Variants in PKIB observed in about 807,000 individuals in gnomAD.
PKIB encodes PKI-beta.
PKIB carries 2 observed loss-of-function variants against 4.5 expected under a neutral mutation model. That is an observed-to-expected ratio of 0.44 (90% CI 0.18 to 1.39). The LOEUF (loss-of-function observed/expected upper bound fraction) is 1.39. Among genes scored for constraint, PKIB ranks in the 40% most tolerant of loss-of-function variants. The probability of loss-of-function intolerance (pLI) is 0.27; values close to 1 mark genes in which losing one functional copy is unlikely to be tolerated. For synonymous variants in PKIB, 38 were observed against 36.0 expected, an observed-to-expected ratio of 1.06 and a Z score of -0.20; for missense variants, 94 against 92.6, an observed-to-expected ratio of 1.02 and a Z score of -0.06.
At chr6:122,618,920 C>T (rs904321467) in intron 1 of PKIB, among the ~76,000 whole-genome samples, 15 of 152,072 alleles carry the variant, frequency 9.9e-5, no homozygotes, top group Non-Finnish European at 2.2e-4. Context: ...GTGCAGTTTA[C>T]ATTCAAAATA....
chr6:122,717,465 C>T, intron 3 of PKIB: 1 of 371,990 alleles, frequency 2.7e-6, no homozygotes, highest in Non-Finnish European at 4.8e-6. Flanking sequence ...TCATTTCCTT[C>T]CAAGCCCTAG....
intron 2 of PKIB, among the ~76,000 whole-genome samples, chr6:122,496,247 G>T (rs1377467779): frequency 6.6e-6 from 1 of 152,180 alleles, no homozygotes; most frequent in East Asian, 1.9e-4. Flanking sequence ...AAGGGCTATA[G>T]AAGTAAAGCC....
rs1350575721 is a variant in PKIB, at chr6:122,555,013, AT to A, written c.-247-30905del. On this transcript the variant is annotated intron_variant, in intron 2 of 6. Transcript: ENST00000392491. The stretch of plus-strand genomic sequence containing the variant: ...CAGAAGGTAATACATTCATCAATTT[AT>A]TTCTAGATCACATGTTTATGATGCT... Among the ~76,000 whole-genome samples the A allele has an allele frequency of 2.6e-5, 4 of 152,286 alleles. 1 individual carries two copies. The Middle Eastern group carries it at 0.01, about 388-fold the overall frequency.
chr6:122,696,470 C>T (rs1339525501), intron 3 of PKIB, among the ~76,000 whole-genome samples: 1 of 152,150 alleles, frequency 6.6e-6, no homozygotes, highest in Non-Finnish European at 1.5e-5. Context: ...AGGACTATCC[C>T]TCACTTCCCA....
intron 2 of PKIB, among the ~76,000 whole-genome samples, chr6:122,529,568 A>G (rs140480650): frequency 8.5e-5 from 13 of 152,202 alleles, no homozygotes; most frequent in African/African-American, 3.1e-4. Flanking sequence ...TTTTGTTTCA[A>G]CTTGAAGGGC....
chr6:122,472,048 G>A (rs1775319187), intron 1 of PKIB: 1 of 475,402 alleles, frequency 2.1e-6, no homozygotes, highest in Non-Finnish European at 3.6e-6. Flanking sequence ...AACGGTGTGA[G>A]CAAAACCCAC....
chr6:122,614,142 C>G (rs772735406), intron 1 of PKIB, among the ~76,000 whole-genome samples: 1 of 152,058 alleles, frequency 6.6e-6, no homozygotes, highest in African/African-American at 2.4e-5. Flanking sequence ...TGACATTGCC[C>G]AAGAGTTGGG....
chr6:122,621,807 T>G (rs1775239592), intron 1 of PKIB, among the ~76,000 whole-genome samples: 3 of 152,258 alleles, frequency 2.0e-5, no homozygotes, highest in African/African-American at 7.2e-5. Flanking sequence ...GGAATCTTAT[T>G]TGTACAGTGG....
chr6:122,678,970 G>T (rs1048782136), intron 3 of PKIB, among the ~76,000 whole-genome samples: 2 of 152,206 alleles, frequency 1.3e-5, no homozygotes, highest in African/African-American at 2.4e-5. Context: ...ACTGCAACAC[G>T]TGGCGGGAGG....
At chr6:122,697,251 T>C (rs1778614350) in intron 3 of PKIB, among the ~76,000 whole-genome samples, 1 of 152,026 alleles carries the variant, frequency 6.6e-6, no homozygotes, top group Non-Finnish European at 1.5e-5. Flanking sequence ...TTCATAAGGA[T>C]GGTGGTCTGT....
At chr6:122,651,539 C>T (rs749936904) in intron 2 of PKIB, among the ~76,000 whole-genome samples, 1 of 152,210 alleles carries the variant, frequency 6.6e-6, no homozygotes, top group Non-Finnish European at 1.5e-5. Flanking sequence ...GGCAAATAAA[C>T]TCATCAGAAT....
chr6:122,705,891 C>T (rs1305848602), intron 3 of PKIB, among the ~76,000 whole-genome samples: 2 of 152,124 alleles, frequency 1.3e-5, no homozygotes, highest in Non-Finnish European at 2.9e-5. Flanking sequence ...CACACCTTTA[C>T]TATGTGATTT....
At chr6:122,525,177 A>G (rs1582675961) in intron 2 of PKIB, among the ~76,000 whole-genome samples, 3 of 152,238 alleles carry the variant, frequency 2.0e-5, no homozygotes, top group East Asian at 1.9e-4. Context: ...AAGGTATTAT[A>G]TAATTTCCTT....
chr6:122,537,747 C>T (rs571597447), intron 2 of PKIB, among the ~76,000 whole-genome samples: 4 of 152,168 alleles, frequency 2.6e-5, no homozygotes, highest in East Asian at 3.9e-4. Flanking sequence ...CCTGAGGAAT[C>T]GCCACACTGA....
chr6:122,561,140 G>T (rs1025802982), intron 2 of PKIB, among the ~76,000 whole-genome samples: 1 of 151,826 alleles, frequency 6.6e-6, no homozygotes, highest in Non-Finnish European at 1.5e-5. Context: ...TAGAATGTCA[G>T]TTTGTGCACT....
intron 2 of PKIB, among the ~76,000 whole-genome samples, chr6:122,576,710 A>ATATATATATTTTT (rs59569106): frequency 6.4e-5 from 7 of 109,986 alleles, no homozygotes; most frequent in South Asian, 2.7e-4. Context: ...ATATATATAT[A>ATATATATATTTTT]TTTTCTTTTG....
chr6:122,596,336 G>A (rs1032565971), intron 3 of PKIB, among the ~76,000 whole-genome samples: 1 of 152,206 alleles, frequency 6.6e-6, no homozygotes, highest in African/African-American at 2.4e-5. Flanking sequence ...GGCCATCGGT[G>A]CAGGCTTGGG....
chr6:122,573,521 C>CAA (rs61014475), intron 2 of PKIB, among the ~76,000 whole-genome samples: 8 of 87,570 alleles, frequency 9.1e-5, no homozygotes, highest in African/African-American at 2.6e-4. Flanking sequence ...GACTCTGTCT[C>CAA]AAAAAAAAAA....
At chr6:122,598,273 G>A (rs1425459835) in intron 3 of PKIB, among the ~76,000 whole-genome samples, 1 of 152,052 alleles carries the variant, frequency 6.6e-6, no homozygotes, top group Non-Finnish European at 1.5e-5. Context: ...AATTTAAGTA[G>A]GCATGCAGTA....
Sources: allele counts gnomAD v4.1 joint callset (sites outside exome capture counted in the v4.1 genomes callset), GRCh38; gene constraint gnomAD v4.1.1; transcripts MANE v1.5; gene names NCBI Gene and HGNC (gene_info 2026-07-23, HGNC 2026-07-21).